CSMD1: variants seen among roughly 807,000 people sequenced by gnomAD.
CSMD1 encodes the protein CUB and sushi domain-containing protein 1.
A neutral mutation model predicts 417.5 loss-of-function variants in CSMD1; 213 were observed. The ratio of observed to expected loss-of-function variants is 0.51; its 90% confidence interval spans 0.46 to 0.57. CSMD1 has a LOEUF of 0.57. Among genes scored for constraint, CSMD1 ranks in the 20% least tolerant of loss-of-function variants. The pLI, the probability that CSMD1 is intolerant of heterozygous loss-of-function variation, is 0.00. For missense variants in CSMD1, 6,923 were observed against 4,529.7 expected (o/e 1.53, Z -15.17); for synonymous variants, 2,862 against 1,736.8 (o/e 1.65, Z -16.11).
rs73508642 is a variant in CSMD1 at position 4,362,474 on chromosome 8, G to A, written c.415+57479C>T. On this transcript the variant is annotated intron_variant, in intron 3 of 69. Coordinates refer to ENST00000635120, the MANE Select transcript of CSMD1 (RefSeq NM_033225.6). ...AAGGTCCCTTGCTGATAAGATTACG[G>A]CTTTCTTCAGAGAACTCTTCCTCAT... Among the ~76,000 whole-genome samples, 836 of 152,274 alleles carry A rather than the reference G, an allele frequency of 5.5e-3. 8 individuals are homozygous for A. The highest frequency in any genetic ancestry group is 0.019 in the African/African-American group (809 of 41,550).
intron 2 of CSMD1, among the ~76,000 whole-genome samples, chr8:4,576,330 C>T (rs542415488): frequency 6.6e-6 from 1 of 152,342 alleles, no homozygotes; most frequent in South Asian, 2.1e-4. Flanking sequence ...TTTCTCCTGG[C>T]TTCTCTCCTG....
chr8:4,523,634 T>C (rs1208896326), intron 2 of CSMD1, among the ~76,000 whole-genome samples: 1 of 152,110 alleles, frequency 6.6e-6, no homozygotes, highest in Non-Finnish European at 1.5e-5. Flanking sequence ...AAACCAAGGT[T>C]CCAGTCCGGG....
At chr8:4,243,025 A>G (rs1293535718) in intron 3 of CSMD1, among the ~76,000 whole-genome samples, 1 of 152,204 alleles carries the variant, frequency 6.6e-6, no homozygotes, top group East Asian at 1.9e-4. Context: ...ACAGACTAGA[A>G]TGGCAGAGGT....
intron 54 of CSMD1, among the ~76,000 whole-genome samples, chr8:2,981,917 C>G (rs904018792): frequency 3.3e-5 from 5 of 152,056 alleles, no homozygotes; most frequent in African/African-American, 7.2e-5. Context: ...CCAGTTGCAC[C>G]CCACCCCTTT....
chr8:4,284,301 G>A (rs1308574285), intron 3 of CSMD1, among the ~76,000 whole-genome samples: 4 of 152,114 alleles, frequency 2.6e-5, no homozygotes, highest in Non-Finnish European at 4.4e-5. Flanking sequence ...CCAGGAGGCG[G>A]AGGTTGCCGT....
In CSMD1 at chr8:4,041,240, A is replaced by T. The variant is rs565664565; in HGVS notation, c.416-9141T>A. On this transcript the variant is annotated intron_variant, in intron 3 of 69. Transcript: ENST00000635120. ...CACCGTGTTAGCCAGGATGGTCACG[A>T]TCTCCTGACCTCGTGATCCGCCCGC... Among the ~76,000 whole-genome samples the T allele has an allele frequency of 7.6e-4, 116 of 151,900 alleles. No individual in the cohort carries two copies. The Middle Eastern group carries it at 0.014, about 18-fold the overall frequency.
chr8:4,944,989 G>C (rs1398522821), intron 1 of CSMD1, among the ~76,000 whole-genome samples: 2 of 152,170 alleles, frequency 1.3e-5, no homozygotes, highest in African/African-American at 4.8e-5. Flanking sequence ...ACAGACGAGA[G>C]GTGGAACCAA....
At chr8:3,752,720 C>G (rs988671412) in intron 6 of CSMD1, among the ~76,000 whole-genome samples, 51 of 128,384 alleles carry the variant, frequency 4.0e-4, no homozygotes, top group African/African-American at 1.5e-3. Context: ...TTTGTTGAAA[C>G]GAATTTGCCC....
chr8:4,212,107 T>A (rs984640839), intron 3 of CSMD1, among the ~76,000 whole-genome samples: 19 of 151,824 alleles, frequency 1.3e-4, no homozygotes, highest in African/African-American at 4.3e-4. Context: ...AAAGTCATGA[T>A]TTCAAAGACC....
chr8:3,254,700 G>A lies in CSMD1; in HGVS notation c.4154-24469C>T, dbSNP rs546681305. On this transcript the variant is annotated intron_variant, in intron 26 of 69. Transcript: ENST00000635120. ...CTTGTGCATTTGTCACTTAGTTCTC[G>A]AGCCTTGGTTTTCAGCTCCGTCAGG... 3.0e-3 allele frequency among the ~76,000 whole-genome samples: 453 copies of A among 152,204 alleles called. 2 individuals are homozygous for A. Among genetic ancestry groups the A allele is most frequent in the African/African-American group, 0.01 (422 of 41,532 alleles).
chr8:3,968,464 G>C (rs1315390651), intron 5 of CSMD1, among the ~76,000 whole-genome samples: 2 of 152,088 alleles, frequency 1.3e-5, no homozygotes, highest in African/African-American at 4.8e-5. Flanking sequence ...TTCTCTTTAA[G>C]AATCTTTTTA....
intron 3 of CSMD1, among the ~76,000 whole-genome samples, chr8:4,387,261 C>G (rs1042782591): frequency 6.6e-6 from 1 of 152,018 alleles, no homozygotes; most frequent in African/African-American, 2.4e-5. Flanking sequence ...TTTTCTTAAG[C>G]TATAGGAGCA....
At chr8:4,335,018 T>C (rs1165535990) in intron 3 of CSMD1, among the ~76,000 whole-genome samples, 1 of 152,090 alleles carries the variant, frequency 6.6e-6, no homozygotes, top group Non-Finnish European at 1.5e-5. Flanking sequence ...GATCTTGTTT[T>C]AGCCTCCTTA....
chr8:3,982,615 GA>G (rs1813967658), intron 5 of CSMD1, among the ~76,000 whole-genome samples: 1 of 107,808 alleles, frequency 9.3e-6, no homozygotes, highest in East Asian at 2.6e-4. Flanking sequence ...ACTGCTGAGA[GA>G]GAAAAAAAAA....
At chr8:4,570,437 C>G (rs111609619) in intron 2 of CSMD1, among the ~76,000 whole-genome samples, 2 of 152,052 alleles carry the variant, frequency 1.3e-5, no homozygotes, top group Non-Finnish European at 2.9e-5. Context: ...TGGATTACGC[C>G]TATTGATTTG....
intron 3 of CSMD1, among the ~76,000 whole-genome samples, chr8:4,416,366 G>C (rs1028262229): frequency 4.6e-5 from 7 of 151,958 alleles, no homozygotes; most frequent in Non-Finnish European, 1.0e-4. Flanking sequence ...ATTCATAAAA[G>C]CTAGATTTTA....
intron 5 of CSMD1, among the ~76,000 whole-genome samples, chr8:3,756,968 T>C (rs1240167929): frequency 6.6e-6 from 1 of 152,136 alleles, no homozygotes; most frequent in Non-Finnish European, 1.5e-5. Context: ...AGTTTTGTAA[T>C]CTTTTAATTT....
intron 10 of CSMD1, among the ~76,000 whole-genome samples, chr8:3,559,521 A>G (rs1397397189): frequency 6.6e-6 from 1 of 152,206 alleles, no homozygotes; most frequent in Non-Finnish European, 1.5e-5. Context: ...AGGAGAAGGA[A>G]GAGGAAAAAT....
chr8:3,888,484 T>C (rs1278518223), intron 5 of CSMD1, among the ~76,000 whole-genome samples: 2 of 152,208 alleles, frequency 1.3e-5, no homozygotes, highest in Non-Finnish European at 2.9e-5. Flanking sequence ...GAGATGATTA[T>C]CATTAGCTCA....
Sources: gnomAD v4.1 joint callset for allele counts (sites outside exome capture counted in the v4.1 genomes callset) on GRCh38, gnomAD v4.1.1 for gene constraint, MANE v1.5 for transcripts, NCBI Gene and HGNC (gene_info 2026-07-23, HGNC 2026-07-21) for gene names.